Variants in DOCK4 observed in about 807,000 individuals in gnomAD.
DOCK4 encodes dedicator of cytokinesis 4, also known as dedicator of cytokinesis protein 4.
In DOCK4, 97 loss-of-function variants were observed where a neutral mutation model predicts 268.1. The observed-to-expected ratio is 0.36, with a 90% confidence interval of 0.31 to 0.43. The LOEUF (loss-of-function observed/expected upper bound fraction) is 0.43, where lower values mean the gene tolerates loss of function less well. Among genes scored for constraint, DOCK4 ranks in the 20% least tolerant of loss-of-function variants. The probability of loss-of-function intolerance (pLI) is 1.00; values close to 1 mark genes in which losing one functional copy is unlikely to be tolerated. For synonymous variants in DOCK4, 954 were observed against 887.2 expected (o/e 1.08, Z -1.34); for missense variants, 2,145 against 2,455.7 (o/e 0.87, Z 2.67).
intron 23 of DOCK4, among the ~76,000 whole-genome samples, chr7:111,851,466 A>T (rs948746830): frequency 8.1e-5 from 12 of 148,208 alleles, no homozygotes; most frequent in Admixed American, 2.7e-4. Flanking sequence ...AAAAAAAAAA[A>T]TTTCTGAAAG....
chr7:111,740,600 G>GT (rs974118873), intron 47 of DOCK4, among the ~76,000 whole-genome samples: 2 of 150,568 alleles, frequency 1.3e-5, no homozygotes, highest in African/African-American at 4.9e-5. Flanking sequence ...GGGCGTGGTG[G>GT]TACACACCTG....
chr7:111,845,335 T>C (rs947197593), intron 24 of DOCK4, among the ~76,000 whole-genome samples: 1 of 152,214 alleles, frequency 6.6e-6, no homozygotes, highest in African/African-American at 2.4e-5. Context: ...AAACTTTAAG[T>C]ACAAATGACT....
chr7:111,930,290 A>G (rs904692631), intron 12 of DOCK4, among the ~76,000 whole-genome samples: 1 of 152,184 alleles, frequency 6.6e-6, no homozygotes, highest in East Asian at 1.9e-4. Flanking sequence ...CTCAACTAAG[A>G]TAGTGGTTAA....
At chr7:112,033,447 G>A (rs1205061573) in intron 1 of DOCK4, among the ~76,000 whole-genome samples, 1 of 152,158 alleles carries the variant, frequency 6.6e-6, no homozygotes, top group Non-Finnish European at 1.5e-5. Flanking sequence ...AACAGCACAT[G>A]CTACATCCTG....
intron 12 of DOCK4, among the ~76,000 whole-genome samples, chr7:111,923,749 G>C (rs1793356229): frequency 2.6e-5 from 4 of 152,028 alleles, no homozygotes. Context: ...CTAGATGTAT[G>C]CTGGTCTTTT....
chr7:111,908,448 A>C (rs1183629606), intron 13 of DOCK4, among the ~76,000 whole-genome samples: 1 of 150,974 alleles, frequency 6.6e-6, no homozygotes, highest in Non-Finnish European at 1.5e-5. Context: ...ACTCCGTCTC[A>C]AAAAAATAAA....
At chr7:111,916,167 C>T (rs1481742870) in intron 12 of DOCK4, among the ~76,000 whole-genome samples, 1 of 152,140 alleles carries the variant, frequency 6.6e-6, no homozygotes, top group Non-Finnish European at 1.5e-5. Flanking sequence ...CTTCCAACCC[C>T]CAAATCTCTC....
chr7:112,118,510 A>C (rs1165031780), intron 1 of DOCK4, among the ~76,000 whole-genome samples: 1 of 152,214 alleles, frequency 6.6e-6, no homozygotes, highest in Admixed American at 6.5e-5. Flanking sequence ...TTTCGTATAA[A>C]TATAGAGTAA....
intron 38 of DOCK4, among the ~76,000 whole-genome samples, chr7:111,765,923 T>A (rs1326145340): frequency 6.6e-6 from 1 of 151,892 alleles, no homozygotes; most frequent in South Asian, 2.1e-4. Context: ...TCCCCCTCTA[T>A]CCCCCCTCTA....
intron 13 of DOCK4, among the ~76,000 whole-genome samples, chr7:111,902,014 C>T (rs551409117): frequency 1.3e-5 from 2 of 152,320 alleles, no homozygotes; most frequent in African/African-American, 4.8e-5. Context: ...ATTAGAAACA[C>T]TGTAATTCTA....
At chr7:112,089,985 GCTAA>G (rs1378876361) in intron 1 of DOCK4, among the ~76,000 whole-genome samples, 7 of 152,132 alleles carry the variant, frequency 4.6e-5, no homozygotes, top group African/African-American at 1.7e-4. Context: ...ATCAGTTTTT[GCTAA>G]CTGAGATTTC....
At chr7:111,782,778 G>T in intron 35 of DOCK4, 86 bp downstream of exon 35, 1 of 1,366,286 alleles carries the variant, frequency 7.3e-7, no homozygotes. Context: ...TCACATTGCA[G>T]ATTAAACACA....
At chr7:112,048,558 A>G (rs1475791392) in intron 1 of DOCK4, among the ~76,000 whole-genome samples, 1 of 149,166 alleles carries the variant, frequency 6.7e-6, no homozygotes, top group Non-Finnish European at 1.5e-5. Flanking sequence ...GTGAGACCCC[A>G]TCTCAAAAAA....
intron 1 of DOCK4, among the ~76,000 whole-genome samples, chr7:112,078,301 T>C (rs150734214): frequency 2.0e-5 from 3 of 152,302 alleles, no homozygotes; most frequent in Non-Finnish European, 4.4e-5. Flanking sequence ...TTTCTCTCAA[T>C]ACATTCTGCT....
chr7:111,914,003 C>G (rs1792372768), intron 13 of DOCK4, among the ~76,000 whole-genome samples: 1 of 152,134 alleles, frequency 6.6e-6, no homozygotes, highest in African/African-American at 2.4e-5. Context: ...CAGTGGAGAA[C>G]AAAGACTCGG....
intron 8 of DOCK4, among the ~76,000 whole-genome samples, chr7:111,953,283 G>C (rs1796201842): frequency 6.6e-6 from 1 of 152,092 alleles, no homozygotes; most frequent in Non-Finnish European, 1.5e-5. Context: ...CACTGAGTAG[G>C]TGTGAAGGGA....
intron 1 of DOCK4, among the ~76,000 whole-genome samples, chr7:112,028,827 G>A (rs142598007): frequency 1.3e-5 from 2 of 152,294 alleles, no homozygotes; most frequent in African/African-American, 4.8e-5. Context: ...TTCTCTCTCA[G>A]CGTTAGACAA....
intron 17 of DOCK4, 108 bp downstream of exon 17, chr7:111,876,922 A>G (rs962640734): frequency 1.9e-6 from 2 of 1,072,990 alleles, no homozygotes; most frequent in Non-Finnish European, 2.4e-6. Context: ...AAGGATCAAT[A>G]ATTTTTCTAA....
At chr7:111,860,541 T>A (rs1301487990) in intron 23 of DOCK4, among the ~76,000 whole-genome samples, 2 of 152,240 alleles carry the variant, frequency 1.3e-5, no homozygotes, top group African/African-American at 4.8e-5. Flanking sequence ...TGCTTCTCCA[T>A]AATCATTCTC....
Sources: gnomAD v4.1 joint callset for allele counts (sites outside exome capture counted in the v4.1 genomes callset) on GRCh38, gnomAD v4.1.1 for gene constraint, MANE v1.5 for transcripts, NCBI Gene and HGNC (gene_info 2026-07-23, HGNC 2026-07-21) for gene names.